The following SLBP variants were observed in gnomAD, a reference collection of about 807,000 sequenced individuals.
The protein encoded by SLBP is stem-loop histone mRNA binding protein.
SLBP carries 29 observed loss-of-function variants against 39.2 expected under a neutral mutation model. That is an observed-to-expected ratio of 0.74 (90% CI 0.55 to 1.01). The LOEUF is 1.01. Among genes scored for constraint, SLBP ranks in the 50% least tolerant of loss-of-function variants. The probability of loss-of-function intolerance (pLI) is 0.00; values close to 1 mark genes in which losing one functional copy is unlikely to be tolerated. For synonymous variants in SLBP, 129 were observed against 118.7 expected, an observed-to-expected ratio of 1.09 and a Z score of -0.57; for missense variants, 390 against 350.2, an observed-to-expected ratio of 1.11 and a Z score of -0.91.
Position 1,692,949 on chromosome 4 carries a change from TG to T in SLBP, c.*647del, listed in dbSNP as rs1715971911. 1 of 152,704 alleles carries T rather than the reference TG, an allele frequency of 6.5e-6. No homozygotes were observed. The highest frequency in any genetic ancestry group is 2.1e-4 in the South Asian group (1 of 4,836). 9.5% of individuals were successfully genotyped at this position (152,704 alleles called of 1,614,324 possible). On this transcript the variant is annotated 3_prime_UTR_variant, in exon 8 of 8. Transcript: ENST00000489418. The stretch of plus-strand genomic sequence containing the variant: ...AATTTTACATGGTAAATTAACTGAT[TG>T]TTTTAAAATGTTCTTTCTAAATCGC...
intron 2 of SLBP, among the ~76,000 whole-genome samples, chr4:1,709,310 ACAGT>A (rs1034706954): frequency 2.0e-4 from 31 of 152,204 alleles, no homozygotes; most frequent in Admixed American, 1.7e-3. Context: ...AAAATATGGC[ACAGT>A]AAGTTGTGAA....
intron 7 of SLBP, among the ~76,000 whole-genome samples, chr4:1,694,452 C>T (rs1377058463): frequency 1.3e-5 from 2 of 149,802 alleles, no homozygotes; most frequent in African/African-American, 4.9e-5. Flanking sequence ...AGTGCAATGG[C>T]GCCATCTCAG....
intron 5 of SLBP, among the ~76,000 whole-genome samples, chr4:1,698,494 GTTTT>G (rs1170061839): frequency 6.0e-4 from 86 of 143,888 alleles, no homozygotes; most frequent in African/African-American, 2.1e-3. Flanking sequence ...AAAAAAAATT[GTTTT>G]TTTTGAGATG....
chr4:1,697,132 C>G (rs1408860898), intron 5 of SLBP, among the ~76,000 whole-genome samples: 1 of 124,772 alleles, frequency 8.0e-6, no homozygotes, highest in Non-Finnish European at 1.6e-5. Context: ...CAACTCCAGT[C>G]TGGTCAACAG....
Position 1,710,999 on chromosome 4 carries a change from C to T in SLBP, c.176+875G>A, listed in dbSNP as rs370680423. ...CCGGGAGGGGGAGGCTGCAGTGAGC[C>T]AAGATCGCGTCACCGCACTCCAGCC... On this transcript the variant is annotated intron_variant, in intron 2 of 7. Coordinates refer to ENST00000489418, the MANE Select transcript of SLBP (RefSeq NM_006527.4). Among the ~76,000 whole-genome samples the T allele has an allele frequency of 2.6e-3, 389 of 147,460 alleles. 2 individuals carry two copies. The highest frequency in any genetic ancestry group is 8.9e-3 in the African/African-American group (354 of 39,858).
rs1311666017 is a variant in SLBP, at chr4:1,693,717, G to A, written c.697-4C>T. On this transcript the variant is annotated splice_polypyrimidine_tract_variant and splice_region_variant and intron_variant, in intron 7 of 7. Coordinates refer to ENST00000489418, the MANE Select transcript of SLBP (RefSeq NM_006527.4). ...TGGGTGTGCCAGAGTACACATCCTGGAAAACAGAAGCATGGCTCGGTTGAC... is the reference window on the plus strand; with the variant it reads ...TGGGTGTGCCAGAGTACACATCCTGAAAAACAGAAGCATGGCTCGGTTGAC... 1 of 1,580,144 alleles carries A rather than the reference G, an allele frequency of 6.3e-7. No individual in the cohort carries two copies. Among genetic ancestry groups the A allele is most frequent in the East Asian group, 2.2e-5 (1 of 44,704 alleles).
intron 2 of SLBP, among the ~76,000 whole-genome samples, chr4:1,708,980 G>C (rs187649394): frequency 2.0e-5 from 3 of 152,174 alleles, no homozygotes; most frequent in African/African-American, 7.2e-5. Flanking sequence ...AGAGTTCAGA[G>C]CTTGATCTCA....
At chr4:1,703,558 CCA>C (rs1192078870) in intron 3 of SLBP, 36 bp downstream of exon 3, 1 of 1,287,772 alleles carries the variant, frequency 7.8e-7, no homozygotes, top group East Asian at 2.3e-5. Context: ...ACTGAAAACG[CCA>C]CAGATTAACA....
chr4:1,708,759 A>G (rs1716618645), intron 2 of SLBP, among the ~76,000 whole-genome samples: 1 of 152,234 alleles, frequency 6.6e-6, no homozygotes, highest in Non-Finnish European at 1.5e-5. Flanking sequence ...ACAACCTTCC[A>G]AAGAGTACTT....
At chr4:1,697,158 TAAAAAAAAAAAAAAA>T (rs59715153) in intron 5 of SLBP, among the ~76,000 whole-genome samples, 27 of 32,784 alleles carry the variant, frequency 8.2e-4, no homozygotes, top group Admixed American at 2.7e-3. Context: ...GACTCCACCT[TAAAAAAAAAAAAAAA>T]AAAAAAAAAA....
In SLBP at chr4:1,711,998, G is replaced by A. The variant is rs550831762; in HGVS notation, c.60-8C>T. 2 of 1,287,836 alleles carry A rather than the reference G, an allele frequency of 1.6e-6. No individual in the cohort carries two copies. The highest frequency in any genetic ancestry group is 1.6e-5 in the African/African-American group (1 of 64,472). 79.8% of individuals were successfully genotyped at this position (1,287,836 alleles called of 1,614,324 possible). ...CGCGCGGGGGACGGCGGGCTGCGGG[G>A]AGGGACGCGGTCGGCTGGGCACGGG... On this transcript the variant is annotated splice_region_variant and splice_polypyrimidine_tract_variant and intron_variant, in intron 1 of 7. Coordinates refer to ENST00000489418, the MANE Select transcript of SLBP (RefSeq NM_006527.4).
chr4:1,705,286 C>T (rs1716476669), intron 2 of SLBP, among the ~76,000 whole-genome samples: 1 of 152,186 alleles, frequency 6.6e-6, no homozygotes, highest in Non-Finnish European at 1.5e-5. Context: ...GTTCTCTCTC[C>T]ATTCTCATTC....
intron 3 of SLBP, 125 bp downstream of exon 3, chr4:1,703,470 GA>G (rs1716405896): frequency 3.0e-6 from 2 of 676,630 alleles, no homozygotes; most frequent in African/African-American, 1.8e-5. Context: ...AAGTTCCCAG[GA>G]AATGTTGATG....
At chr4:1,701,087 G>A (rs75525396) in intron 3 of SLBP, among the ~76,000 whole-genome samples, 1 of 151,420 alleles carries the variant, frequency 6.6e-6, no homozygotes, top group Non-Finnish European at 1.5e-5. Context: ...ATTCTCTCCA[G>A]TACCACAGAT....
intron 2 of SLBP, among the ~76,000 whole-genome samples, chr4:1,709,098 T>C (rs1261992903): frequency 4.6e-5 from 7 of 151,934 alleles, no homozygotes; most frequent in African/African-American, 1.7e-4. Flanking sequence ...AGTTTCACTC[T>C]TATTGCCCAG....
At chr4:1,698,216 C>T (rs1240465735) in intron 5 of SLBP, among the ~76,000 whole-genome samples, 1 of 150,704 alleles carries the variant, frequency 6.6e-6, no homozygotes, top group Non-Finnish European at 1.5e-5. Context: ...GAAAATTAAC[C>T]AAGTGTGGTG....
intron 2 of SLBP, among the ~76,000 whole-genome samples, chr4:1,711,007 C>T (rs969849708): frequency 1.6e-4 from 24 of 147,082 alleles, no homozygotes; most frequent in South Asian, 6.4e-4. Context: ...GCCAAGATCG[C>T]GTCACCGCAC....
chr4:1,711,843 C>A, intron 2 of SLBP, 31 bp downstream of exon 2: 1 of 1,218,568 alleles, frequency 8.2e-7, no homozygotes, highest in Non-Finnish European at 1.0e-6. Context: ...AAGGGCCCCA[C>A]CGCGCCCCGA....
chr4:1,709,712 C>T (rs1716662137), intron 2 of SLBP, among the ~76,000 whole-genome samples: 1 of 151,710 alleles, frequency 6.6e-6, no homozygotes, highest in South Asian at 2.1e-4. Context: ...CCCGGGTTCA[C>T]ACCATTCTCC....
Sources: allele counts gnomAD v4.1 joint callset (sites outside exome capture counted in the v4.1 genomes callset), GRCh38; gene constraint gnomAD v4.1.1; transcripts MANE v1.5; gene names NCBI Gene and HGNC (gene_info 2026-07-23, HGNC 2026-07-21).